Variants in GPC5 observed in about 807,000 individuals in gnomAD.
GPC5 encodes glypican-5.
In GPC5, 47 loss-of-function variants were observed where a neutral mutation model predicts 53.9. That is an observed-to-expected ratio of 0.87 (90% CI 0.69 to 1.11). The LOEUF (loss-of-function observed/expected upper bound fraction) is 1.11, where lower values mean the gene tolerates loss of function less well. Ranked by LOEUF, GPC5 falls within the 50% of genes most tolerant of loss-of-function variation. The probability of loss-of-function intolerance (pLI) is 0.00; values close to 1 mark genes in which losing one functional copy is unlikely to be tolerated. For synonymous variants in GPC5, 286 were observed against 263.3 expected (o/e 1.09, Z -0.84); for missense variants, 748 against 713.1 (o/e 1.05, Z -0.56).
chr13:91,742,105 G>C (rs1448850595), intron 4 of GPC5, among the ~76,000 whole-genome samples: 4 of 152,150 alleles, frequency 2.6e-5, no homozygotes, highest in Non-Finnish European at 4.4e-5. Context: ...GGCCAGAGCA[G>C]GTATGGAGGG....
chr13:92,853,872 C>T (rs908974690), intron 7 of GPC5, among the ~76,000 whole-genome samples: 2 of 152,068 alleles, frequency 1.3e-5, no homozygotes, highest in African/African-American at 4.8e-5. Context: ...CAAAGGACAT[C>T]ATGATAAAAT....
At chr13:92,140,920 G>C (rs1299624955) in intron 6 of GPC5, among the ~76,000 whole-genome samples, 1 of 152,136 alleles carries the variant, frequency 6.6e-6, no homozygotes, top group Non-Finnish European at 1.5e-5. Context: ...AGTGTAATTT[G>C]TATACAAGTC....
intron 7 of GPC5, among the ~76,000 whole-genome samples, chr13:92,770,628 C>T (rs1050672578): frequency 2.0e-5 from 3 of 152,198 alleles, no homozygotes; most frequent in South Asian, 2.1e-4. Context: ...TTTAGGATGG[C>T]TGCTGTAAAA....
At position 92,449,761 on chromosome 13, in the gene GPC5, G is replaced by C. The variant is rs1028133657; in HGVS notation, c.1561+304772G>C. ...TCTGACTTGAGTATTACACTTTAAA[G>C]ATAAACTTCACACAGATTCATTGAA... is the stretch of plus-strand genomic sequence containing the variant. On this transcript the variant is annotated intron_variant, in intron 7 of 7. Transcript: ENST00000377067. Among the ~76,000 whole-genome samples, 4 of 151,734 alleles carry C rather than the reference G, an allele frequency of 2.6e-5. No individual in the cohort carries two copies. The South Asian group carries it at 6.3e-4, about 24-fold the overall frequency.
At chr13:92,697,604 A>C (rs1425070097) in intron 7 of GPC5, among the ~76,000 whole-genome samples, 4 of 152,046 alleles carry the variant, frequency 2.6e-5, no homozygotes, top group East Asian at 1.9e-4. Flanking sequence ...GCTGAGACGA[A>C]AGGGTTTTCT....
intron 2 of GPC5, among the ~76,000 whole-genome samples, chr13:91,643,634 T>G (rs2034486983): frequency 6.6e-6 from 1 of 152,246 alleles, no homozygotes; most frequent in Non-Finnish European, 1.5e-5. Flanking sequence ...TTACTGTTTT[T>G]GAGGCTGGGA....
chr13:92,658,047 T>C (rs1239042787), intron 7 of GPC5, among the ~76,000 whole-genome samples: 1 of 152,232 alleles, frequency 6.6e-6, no homozygotes, highest in Non-Finnish European at 1.5e-5. Context: ...CTGTGTTTAT[T>C]ATACACTTAC....
intron 2 of GPC5, among the ~76,000 whole-genome samples, chr13:91,596,544 G>T (rs890114880): frequency 3.3e-5 from 5 of 152,062 alleles, no homozygotes; most frequent in African/African-American, 1.2e-4. Context: ...GTTTTTGATC[G>T]AATATCAGAC....
chr13:92,103,287 G>A (rs569107468), intron 6 of GPC5, among the ~76,000 whole-genome samples: 3 of 152,054 alleles, frequency 2.0e-5, no homozygotes, highest in Admixed American at 6.6e-5. Context: ...CATAACTGAG[G>A]CTGAAAACAA....
chr13:92,771,072 C>A (rs1376145813), intron 7 of GPC5, among the ~76,000 whole-genome samples: 1 of 152,158 alleles, frequency 6.6e-6, no homozygotes, highest in South Asian at 2.1e-4. Context: ...AAATGCCTCA[C>A]ATACTGCCGA....
At chr13:92,574,422 T>C (rs527417032) in intron 7 of GPC5, among the ~76,000 whole-genome samples, 16 of 152,184 alleles carry the variant, frequency 1.1e-4, no homozygotes, top group Non-Finnish European at 1.6e-4. Context: ...TTGTTGTATT[T>C]TCACCTGAAG....
intron 2 of GPC5, among the ~76,000 whole-genome samples, chr13:91,665,505 C>CTTTTTTTTTTTTTTTTTTTTT (rs371605806): frequency 4.8e-5 from 7 of 146,126 alleles, no homozygotes; most frequent in African/African-American, 1.6e-4. Context: ...AAAAGCCAGT[C>CTTTTTTTTTTTTTTTTTTTTT]TTTTTTTTTT....
intron 7 of GPC5, among the ~76,000 whole-genome samples, chr13:92,644,432 A>G (rs1284835475): frequency 6.6e-6 from 1 of 152,180 alleles, no homozygotes; most frequent in Non-Finnish European, 1.5e-5. Context: ...ACGTGTCACA[A>G]TCACAAGACT....
intron 6 of GPC5, among the ~76,000 whole-genome samples, chr13:91,915,646 A>T (rs2039651169): frequency 2.0e-5 from 3 of 152,118 alleles, no homozygotes; most frequent in Non-Finnish European, 4.4e-5. Context: ...TATATTTTTT[A>T]TTTAGGTGAC....
At chr13:91,716,041 AG>A (rs1404235616) in intron 3 of GPC5, among the ~76,000 whole-genome samples, 2 of 151,890 alleles carry the variant, frequency 1.3e-5, no homozygotes, top group Non-Finnish European at 2.9e-5. Context: ...AAATTCCAAA[AG>A]TGTTGGGATT....
intron 7 of GPC5, among the ~76,000 whole-genome samples, chr13:92,411,698 T>C (rs1876049535): frequency 6.6e-6 from 1 of 152,204 alleles, no homozygotes; most frequent in African/African-American, 2.4e-5. Context: ...TTGTGATTAA[T>C]TGGTGTCATT....
At chr13:92,424,000 A>G (rs1484244472) in intron 7 of GPC5, among the ~76,000 whole-genome samples, 1 of 137,150 alleles carries the variant, frequency 7.3e-6, no homozygotes, top group Admixed American at 7.5e-5. Context: ...ATTATTGTGT[A>G]ATGAGTAAAA....
intron 6 of GPC5, among the ~76,000 whole-genome samples, chr13:91,920,798 G>T (rs1374951406): frequency 2.0e-5 from 3 of 151,882 alleles, no homozygotes; most frequent in Non-Finnish European, 4.4e-5. Flanking sequence ...ACTGATTTCT[G>T]ATCTGAAAGC....
intron 7 of GPC5, among the ~76,000 whole-genome samples, chr13:92,472,581 G>A (rs1180245811): frequency 2.6e-5 from 4 of 152,054 alleles, no homozygotes; most frequent in Non-Finnish European, 4.4e-5. Context: ...GTCAGTCAAT[G>A]AATACTTTAC....
Sources: allele counts gnomAD v4.1 joint callset (sites outside exome capture counted in the v4.1 genomes callset), GRCh38; gene constraint gnomAD v4.1.1; transcripts MANE v1.5; gene names NCBI Gene and HGNC (gene_info 2026-07-23, HGNC 2026-07-21).